EPB41L4A: variants seen among roughly 807,000 people sequenced by gnomAD.
EPB41L4A encodes the protein erythrocyte membrane protein band 4.1 like 4A.
A neutral mutation model predicts 108.6 loss-of-function variants in EPB41L4A; 100 were observed. The ratio of observed to expected loss-of-function variants is 0.92; its 90% CI spans 0.78 to 1.09. The LOEUF is 1.09. Ranked by LOEUF, EPB41L4A falls within the 50% of genes least tolerant of loss-of-function variation. The pLI is 0.00. For synonymous variants in EPB41L4A, 319 were observed against 289.0 expected, an observed-to-expected ratio of 1.10 and a Z score of -1.05; for missense variants, 1,030 against 842.7, an observed-to-expected ratio of 1.22 and a Z score of -2.75.
At chr5:112,350,726 G>A (rs914383987) in intron 1 of EPB41L4A, among the ~76,000 whole-genome samples, 2 of 152,128 alleles carry the variant, frequency 1.3e-5, no homozygotes, top group African/African-American at 2.4e-5. Context: ...GTCAGAACAT[G>A]TGGTATCTTT....
chr5:112,216,541 A>G (rs1485713354), intron 12 of EPB41L4A, among the ~76,000 whole-genome samples: 1 of 152,226 alleles, frequency 6.6e-6, no homozygotes, highest in Non-Finnish European at 1.5e-5. Context: ...AAAATTCTCA[A>G]ATATAAATTT....
chr5:112,153,760 G>C (rs1220901509), intron 12 of EPB41L4A, among the ~76,000 whole-genome samples: 2 of 151,294 alleles, frequency 1.3e-5, no homozygotes, highest in Non-Finnish European at 3.0e-5. Flanking sequence ...ACATATTATG[G>C]AACACAGCAT....
intron 12 of EPB41L4A, among the ~76,000 whole-genome samples, chr5:112,217,926 CT>C (rs1397379321): frequency 6.6e-6 from 1 of 152,152 alleles, no homozygotes; most frequent in African/African-American, 2.4e-5. Flanking sequence ...AGTTGTTCTG[CT>C]TCCAATTTCC....
At chr5:112,174,060 A>G (rs1021745108) in intron 18 of EPB41L4A, among the ~76,000 whole-genome samples, 6 of 152,194 alleles carry the variant, frequency 3.9e-5, no homozygotes, top group African/African-American at 1.4e-4. Context: ...TAAAAGTCCT[A>G]TTTTTAACTA....
intron 1 of EPB41L4A, among the ~76,000 whole-genome samples, chr5:112,343,156 T>C (rs1206169213): frequency 6.6e-6 from 1 of 152,176 alleles, no homozygotes; most frequent in African/African-American, 2.4e-5. Context: ...CTCAAGTGCT[T>C]TGAAGCATTA....
chr5:112,254,285 A>T lies in EPB41L4A; in HGVS notation c.795+4944T>A, dbSNP rs547931977. The stretch of plus-strand genomic sequence containing the variant: ...ATTCCTATTTTCCACAAAAACATTG[A>T]ATCTGCTACCAATCAGAAACAATTT... On this transcript the variant is annotated intron_variant, in intron 9 of 22. Transcript: ENST00000261486. Among the ~76,000 whole-genome samples the T allele has an allele frequency of 3.9e-5, 6 of 152,292 alleles. No individual in the cohort carries two copies. The East Asian group carries it at 1.2e-3, about 29-fold the overall frequency.
intron 8 of EPB41L4A, 135 bp downstream of exon 8, chr5:112,259,756 C>CA: frequency 1.5e-6 from 1 of 670,206 alleles, no homozygotes; most frequent in Non-Finnish European, 2.7e-6. Context: ...GGAGAAAACT[C>CA]ACACCCAATT....
chr5:112,167,145 G>A lies in EPB41L4A; in HGVS notation c.1932+1594C>T, dbSNP rs79850882. 0.03 allele frequency among the ~76,000 whole-genome samples: 3,430 copies of A among 114,542 alleles called. 224 individuals carry two copies. In the East Asian group the frequency reaches 0.32, roughly 11 times the overall value. 75.1% of individuals were successfully genotyped at this position (114,542 alleles called of 152,430 possible). ...AGACAAAAAAAAAAAAAAAAACACC[G>A]AAAGATAACTGCTTATTAATCATCA... is the stretch of plus-strand genomic sequence containing the variant. On this transcript the variant is annotated intron_variant, in intron 22 of 22. Coordinates refer to ENST00000261486, the MANE Select transcript of EPB41L4A (RefSeq NM_022140.5).
At chr5:112,327,100 T>C (rs1189416079) in intron 1 of EPB41L4A, among the ~76,000 whole-genome samples, 1 of 152,090 alleles carries the variant, frequency 6.6e-6, no homozygotes, top group Non-Finnish European at 1.5e-5. Flanking sequence ...CTGAGAAAAC[T>C]CAGCTGAGCG....
chr5:112,339,145 TAGG>T (rs1561584601), intron 1 of EPB41L4A, among the ~76,000 whole-genome samples: 1 of 152,074 alleles, frequency 6.6e-6, no homozygotes, highest in African/African-American at 2.4e-5. Context: ...AATTGCACAA[TAGG>T]AGCTTTTCAA....
chr5:112,340,283 A>G (rs2150696915), intron 1 of EPB41L4A, among the ~76,000 whole-genome samples: 1 of 152,324 alleles, frequency 6.6e-6, no homozygotes, highest in Admixed American at 6.5e-5. Context: ...GATGCATCAG[A>G]GTCAACCGAT....
chr5:112,413,450 G>A lies in EPB41L4A; in HGVS notation c.99+5491C>T, dbSNP rs556346484. Among the ~76,000 whole-genome samples, 20 of 152,290 alleles carry A rather than the reference G, an allele frequency of 1.3e-4. No homozygotes were observed. In the East Asian group the frequency reaches 3.9e-3, roughly 29 times the overall value. On this transcript the variant is annotated intron_variant, in intron 1 of 22. Transcript: ENST00000261486. ...AAGATTTTCAATACAGCCTATTCCA[G>A]CTGTAACACTCCACTCATTCTTCTA...
At chr5:112,406,137 T>G (rs1762057579) in intron 1 of EPB41L4A, among the ~76,000 whole-genome samples, 1 of 152,120 alleles carries the variant, frequency 6.6e-6, no homozygotes, top group Non-Finnish European at 1.5e-5. Flanking sequence ...TCTGGAAAAT[T>G]TGCACATCCT....
At chr5:112,304,494 G>C (rs1176666898) in intron 2 of EPB41L4A, among the ~76,000 whole-genome samples, 1 of 152,308 alleles carries the variant, frequency 6.6e-6, no homozygotes, top group South Asian at 2.1e-4. Flanking sequence ...CAGGCTAAGC[G>C]CTTTCCCTTT....
chr5:112,335,829 C>T (rs1174717736), intron 1 of EPB41L4A, among the ~76,000 whole-genome samples: 1 of 152,166 alleles, frequency 6.6e-6, no homozygotes, highest in Non-Finnish European at 1.5e-5. Flanking sequence ...ATCTCCAAGC[C>T]CTCTCTCCAT....
intron 2 of EPB41L4A, among the ~76,000 whole-genome samples, chr5:112,289,870 G>C (rs996319043): frequency 3.9e-5 from 6 of 152,228 alleles, no homozygotes; most frequent in Non-Finnish European, 7.3e-5. Flanking sequence ...CCTACATTTT[G>C]AGAGGGCTAG....
chr5:112,223,013 C>T (rs932940609), intron 12 of EPB41L4A, among the ~76,000 whole-genome samples: 1 of 150,968 alleles, frequency 6.6e-6, no homozygotes, highest in Non-Finnish European at 1.5e-5. Context: ...ACAATCCCTG[C>T]TTGCAACCTC....
chr5:112,184,060 G>GA lies in EPB41L4A; in HGVS notation c.1577_1578insT (p.Gln527ProfsTer52). On this transcript the variant is annotated frameshift_variant, in exon 18 of 23. Coordinates refer to ENST00000261486, the MANE Select transcript of EPB41L4A (RefSeq NM_022140.5). LOFTEE classifies it high-confidence loss of function. ...ATCGCCTGTTGTTGGGGTCGGCTTGGTTTTTTTCCTTTTGTCTCCTTAATA... is the reference window on the plus strand; with the variant it reads ...ATCGCCTGTTGTTGGGGTCGGCTTGGATTTTTTTCCTTTTGTCTCCTTAATA... The GA allele has an allele frequency of 6.2e-7, 1 of 1,613,940 alleles. No individual in the cohort carries two copies. Among genetic ancestry groups the GA allele is most frequent in the Non-Finnish European group, 8.5e-7 (1 of 1,179,896 alleles).
At chr5:112,234,555 C>A in intron 12 of EPB41L4A, 79 bp downstream of exon 12, 1 of 1,359,180 alleles carries the variant, frequency 7.4e-7, no homozygotes, top group Non-Finnish European at 1.0e-6. Flanking sequence ...GAGTTATAGA[C>A]ATCACCTGAG....
Sources: allele counts gnomAD v4.1 joint callset (sites outside exome capture counted in the v4.1 genomes callset), GRCh38; gene constraint gnomAD v4.1.1; transcripts MANE v1.5; gene names NCBI Gene and HGNC (gene_info 2026-07-23, HGNC 2026-07-21).